The following CSF1R variants were observed in gnomAD, a reference collection of about 807,000 sequenced individuals.
CSF1R encodes the protein macrophage colony-stimulating factor 1 receptor.
In CSF1R, 40 loss-of-function variants were observed where a neutral mutation model predicts 110.0. The ratio of observed to expected loss-of-function variants is 0.36; its 90% CI spans 0.28 to 0.47. The LOEUF (loss-of-function observed/expected upper bound fraction) is 0.47, where lower values mean the gene tolerates loss of function less well. CSF1R is among the 20% of genes least tolerant of loss of function. The pLI, the probability that CSF1R is intolerant of heterozygous loss-of-function variation, is 0.99. For missense variants in CSF1R, 1,052 were observed against 1,253.0 expected (o/e 0.84, Z 2.42); for synonymous variants, 523 against 503.4 (o/e 1.04, Z -0.52).
intron 6 of CSF1R, among the ~76,000 whole-genome samples, chr5:150,070,819 G>A (rs1758001989): frequency 6.6e-6 from 1 of 152,202 alleles, no homozygotes; most frequent in Non-Finnish European, 1.5e-5. Context: ...TAGAGGTGAT[G>A]TCTTCAAGGT....
Position 150,061,680 on chromosome 5 carries a change from G to T in CSF1R, c.1753+43C>A, listed in dbSNP as rs1265187597. 6 of 1,614,178 alleles carry T rather than the reference G, an allele frequency of 3.7e-6. No homozygotes were observed. In the Admixed American group the frequency reaches 6.7e-5, roughly 18 times the overall value. On this transcript the variant is annotated intron_variant, in intron 11 of 20. Transcript: ENST00000675795. ...CATGGGCTCCCTGCAACCCCCACAG[G>T]CCCTGTGATAGGAAGCTGTGGAGTG...
intron 1 of CSF1R, among the ~76,000 whole-genome samples, chr5:150,083,298 C>A (rs914521669): frequency 2.0e-5 from 3 of 148,646 alleles, no homozygotes; most frequent in African/African-American, 7.5e-5. Flanking sequence ...TGCCTGGAAG[C>A]CCCTCCCTCA....
chr5:150,055,431 C>A (rs1341095130), intron 18 of CSF1R, 95 bp from the exon 19 acceptor site: 4 of 955,988 alleles, frequency 4.2e-6, no homozygotes, highest in Non-Finnish European at 6.6e-6. Context: ...TAAAGGGTCC[C>A]ACTTGACAAC....
intron 1 of CSF1R, among the ~76,000 whole-genome samples, chr5:150,110,812 T>C (rs1759694889): frequency 6.6e-6 from 1 of 152,168 alleles, no homozygotes; most frequent in Non-Finnish European, 1.5e-5. Context: ...GCATTTAACA[T>C]ATAAAAATAC....
chr5:150,055,105 T>C, intron 19 of CSF1R, 132 bp downstream of exon 19: 1 of 735,356 alleles, frequency 1.4e-6, no homozygotes, highest in Non-Finnish European at 2.3e-6. Flanking sequence ...GCTTGTTGTG[T>C]CCACTATGGG....
In CSF1R at chr5:150,054,204, G is replaced by A. The variant is rs1757074943; in HGVS notation, c.2784C>T (p.Ser928=). 28 of 1,612,200 alleles carry A rather than the reference G, an allele frequency of 1.7e-5. No individual in the cohort carries two copies. Among genetic ancestry groups the A allele is most frequent in the Non-Finnish European group, 2.3e-5 (27 of 1,179,122 alleles). ...TGCCGCTGCCACCGCTTCTGCTGCT[G>A]CTCGGCAGATTGGTATAGTCCTGAG... is the stretch of plus-strand genomic sequence containing the variant. ...RRERDYTNLP[S]SSRSGGSGSS... The change falls in exon 21 of 21, where the codon AGC becomes AGT. Residue 928 remains serine, a synonymous_variant. Coordinates refer to ENST00000675795, the MANE Select transcript of CSF1R (RefSeq NM_001288705.3).
Position 150,080,312 on chromosome 5 carries a change from A to G in CSF1R, c.332T>C (p.Leu111Pro), listed in dbSNP as rs1164464151. Residue 111 changes from leucine (L) to proline (P), a missense_variant, in exon 3 of 21, where the codon CTA becomes CCA. Leu to Pro is a moderately conservative substitution (Grantham distance 98, BLOSUM62 -3). Around this residue, in one of 5 missense-constraint regions of CSF1R, gnomAD observed 693 missense variants for 735.4 expected, o/e 0.94. Coordinates refer to ENST00000675795, the MANE Select transcript of CSF1R (RefSeq NM_001288705.3). ...CTCGAACACGACCACCTCCTGTGCT[A>G]GCACGTTCCAGGGCCGGGCAGGGTC... ...VKDPARPWNV[L>P]AQEVVVFEDQ... 6.2e-7 allele frequency: 1 copy of G among 1,613,636 alleles called. No homozygotes were observed. Among genetic ancestry groups the G allele is most frequent in the Non-Finnish European group, 8.5e-7 (1 of 1,179,954 alleles).
chr5:150,061,242 T>C (rs1379692189), intron 12 of CSF1R, among the ~76,000 whole-genome samples: 2 of 152,188 alleles, frequency 1.3e-5, no homozygotes, highest in East Asian at 3.8e-4. Flanking sequence ...GTGGCCTTTC[T>C]GCACCCCCAG....
chr5:150,061,637 G>A, intron 11 of CSF1R, 42 bp from the exon 12 acceptor site: 1 of 1,614,000 alleles, frequency 6.2e-7, no homozygotes, highest in Non-Finnish European at 8.5e-7. Flanking sequence ...GGCACCAAAG[G>A]GCCTCTGTCC....
At position 150,059,727 on chromosome 5, in the gene CSF1R, A is replaced by G; in HGVS notation, c.2105T>C (p.Ile702Thr). 6.2e-7 allele frequency: 1 copy of G among 1,613,926 alleles called. No individual in the cohort carries two copies. Residue 702 changes from isoleucine (I) to threonine (T), a missense_variant, in exon 14 of 21, where the codon ATC becomes ACC. This residue lies in a region of CSF1R where 124 missense variants were observed against 117.7 expected (regional missense o/e 1.05). Transcript: ENST00000675795. ...DPEGGVDYKN[I>T]HLEKKYVRRD... Reference sequence around the variant, plus strand: ...GCGGACATATTTCTTCTCGAGGTGGATGTTCTTATAGTCGACGCCTCCCTC... The same window carrying G: ...GCGGACATATTTCTTCTCGAGGTGGGTGTTCTTATAGTCGACGCCTCCCTC...
At chr5:150,093,550 A>G (rs950990270) in intron 1 of CSF1R, among the ~76,000 whole-genome samples, 2 of 152,242 alleles carry the variant, frequency 1.3e-5, no homozygotes, top group Non-Finnish European at 2.9e-5. Context: ...AAATGGAGAC[A>G]TAATACATAC....
intron 1 of CSF1R, among the ~76,000 whole-genome samples, chr5:150,099,052 C>G (rs1581347035): frequency 6.8e-6 from 1 of 147,128 alleles, no homozygotes; most frequent in South Asian, 2.2e-4. Context: ...CGCCACCACA[C>G]CCAGCTAATT....
intron 1 of CSF1R, among the ~76,000 whole-genome samples, chr5:150,110,370 C>A (rs1384727474): frequency 6.6e-6 from 1 of 152,236 alleles, no homozygotes; most frequent in Non-Finnish European, 1.5e-5. Context: ...ACCCTCTCTG[C>A]AGAAAGTAAA....
intron 19 of CSF1R, chr5:150,054,934 G>A: frequency 3.1e-6 from 1 of 321,966 alleles, no homozygotes; most frequent in African/African-American, 2.2e-5. Flanking sequence ...AGGCTGCAGT[G>A]AGCTATGATT....
upstream of CSF1R, among the ~76,000 whole-genome samples, chr5:150,088,644 G>A (rs189261977): frequency 1.7e-3 from 261 of 150,422 alleles, no homozygotes; most frequent in Non-Finnish European, 2.8e-3. Flanking sequence ...AGCTATTCTC[G>A]TGCCTCAAAC....
chr5:150,057,735 G>A, intron 14 of CSF1R, 143 bp from the exon 15 acceptor site: 1 of 648,072 alleles, frequency 1.5e-6, no homozygotes, highest in East Asian at 2.7e-5. Flanking sequence ...CCATCTGAGT[G>A]AGCATTGGTC....
chr5:150,061,391 C>T (rs1581290719), intron 12 of CSF1R, 100 bp downstream of exon 12: 2 of 1,063,252 alleles, frequency 1.9e-6, no homozygotes, highest in Admixed American at 4.7e-5. Context: ...CAGGCTTCAA[C>T]AGGTTGAAAT....
chr5:150,105,451 A>G (rs1759528520), intron 1 of CSF1R, among the ~76,000 whole-genome samples: 1 of 148,824 alleles, frequency 6.7e-6, no homozygotes, highest in South Asian at 2.1e-4. Flanking sequence ...CCTGACCTCA[A>G]GTGATCTGCC....
chr5:150,112,483 C>G (rs1759751319), intron 1 of CSF1R, among the ~76,000 whole-genome samples: 1 of 152,226 alleles, frequency 6.6e-6, no homozygotes, highest in African/African-American at 2.4e-5. Context: ...GTAATCCACT[C>G]AAGTTCCCAT....
Sources: gnomAD v4.1 joint callset for allele counts (sites outside exome capture counted in the v4.1 genomes callset) on GRCh38, gnomAD v4.1.1 for gene constraint, gnomAD v4.1.1 regional missense constraint, MANE v1.5 for transcripts, NCBI Gene and HGNC (gene_info 2026-07-23, HGNC 2026-07-21) for gene names.